FEZ1: variants seen among roughly 807,000 people sequenced by gnomAD.
FEZ1 encodes fasciculation and elongation protein zeta 1.
In FEZ1, 20 loss-of-function variants were observed where a neutral mutation model predicts 49.3. That is an observed-to-expected ratio of 0.41 (90% CI 0.29 to 0.59). The LOEUF (loss-of-function observed/expected upper bound fraction) is 0.59, where lower values mean the gene tolerates loss of function less well. Among genes scored for constraint, FEZ1 ranks in the 20% least tolerant of loss-of-function variants. The pLI is 0.36. For synonymous variants in FEZ1, 170 were observed against 180.9 expected (o/e 0.94, Z 0.48); for missense variants, 413 against 476.0 (o/e 0.87, Z 1.23).
intron 1 of FEZ1, among the ~76,000 whole-genome samples, chr11:125,492,365 T>G (rs1382980279): frequency 7.9e-5 from 12 of 152,240 alleles, no homozygotes; most frequent in Admixed American, 7.8e-4. Flanking sequence ...TTGGTTTCCT[T>G]TACAAGACTA....
chr11:125,480,987 C>A (rs937880384), intron 3 of FEZ1, among the ~76,000 whole-genome samples: 11 of 150,860 alleles, frequency 7.3e-5, no homozygotes, highest in African/African-American at 2.7e-4. Flanking sequence ...TGCAGTGAGC[C>A]GAGATCGTGC....
At position 125,463,520 on chromosome 11, in the gene FEZ1, G is replaced by T. The variant is rs142530568; in HGVS notation, c.462C>A (p.Ser154=). The part of the protein sequence containing the change: ...EEFNEKSEND[S]GINEEPLLTA... Reference sequence around the variant, plus strand: ...TGAGCAGAGGCTCCTCGTTGATACCGGAATCATTTTCACTCTTCTCATTGA... The same window carrying T: ...TGAGCAGAGGCTCCTCGTTGATACCTGAATCATTTTCACTCTTCTCATTGA... Residue 154 remains serine, a synonymous_variant, in exon 4 of 10, where the codon TCC becomes TCA. Coordinates refer to ENST00000278919, the MANE Select transcript of FEZ1 (RefSeq NM_005103.5). 6.2e-7 allele frequency: 1 copy of T among 1,610,778 alleles called. No homozygotes were observed. The highest frequency in any genetic ancestry group is 1.1e-5 in the South Asian group (1 of 91,022).
At chr11:125,461,010 C>T (rs1844548804) in intron 4 of FEZ1, among the ~76,000 whole-genome samples, 1 of 152,154 alleles carries the variant, frequency 6.6e-6, no homozygotes, top group African/African-American at 2.4e-5. Context: ...GAAAATATTT[C>T]ATTCACCCAA....
At chr11:125,477,856 CAA>C (rs11413508) in intron 3 of FEZ1, among the ~76,000 whole-genome samples, 27 of 141,382 alleles carry the variant, frequency 1.9e-4, no homozygotes, top group East Asian at 4.1e-4. Context: ...GAGCTTTATG[CAA>C]AAAAAAAAAA....
At chr11:125,494,902 C>T (rs1013174466) in intron 1 of FEZ1, among the ~76,000 whole-genome samples, 12 of 152,150 alleles carry the variant, frequency 7.9e-5, no homozygotes, top group African/African-American at 2.7e-4. Context: ...CCACACAAGC[C>T]CCATTCCATC....
Position 125,489,698 on chromosome 11 carries a change from G to T in FEZ1, c.80C>A (p.Pro27His). The change falls in exon 2 of 10, where the codon CCC becomes CAC. Residue 27 changes from proline to histidine, a missense_variant. Physicochemically the swap from Pro to His is moderately conservative, Grantham distance 77. Transcript: ENST00000278919. The surrounding 1 kb of genome is among the most constrained non-coding windows in gnomAD (Gnocchi z 4.2). ...GGGAGATGAACCATAGAAACACTGG[G>T]GCTTCTCCTCCGGGTCCTCCGAGCA... Reference protein sequence around the residue: ...PSCSEDPEEKPQCFYGSSPHH... With the variant: ...PSCSEDPEEKHQCFYGSSPHH... The T allele has an allele frequency of 6.2e-7, 1 of 1,612,952 alleles. No homozygotes were observed. The highest frequency in any genetic ancestry group is 1.1e-5 in the South Asian group (1 of 90,924).
chr11:125,457,940 C>T (rs1265602475), intron 5 of FEZ1, among the ~76,000 whole-genome samples: 1 of 152,128 alleles, frequency 6.6e-6, no homozygotes, highest in Non-Finnish European at 1.5e-5. Flanking sequence ...GAGCTGCCCT[C>T]TCCCCCTTCT....
At chr11:125,481,311 C>A (rs1482415406) in intron 3 of FEZ1, among the ~76,000 whole-genome samples, 1 of 152,004 alleles carries the variant, frequency 6.6e-6, no homozygotes, top group Non-Finnish European at 1.5e-5. Context: ...CCATGCCTGG[C>A]TAATTTTTTG....
At chr11:125,480,417 TG>T (rs1231237184) in intron 3 of FEZ1, among the ~76,000 whole-genome samples, 1 of 152,156 alleles carries the variant, frequency 6.6e-6, no homozygotes, top group African/African-American at 2.4e-5. Flanking sequence ...CCCCACTGTG[TG>T]GCTACATTGC....
At chr11:125,467,232 AG>A (rs1346309617) in intron 3 of FEZ1, among the ~76,000 whole-genome samples, 1 of 151,994 alleles carries the variant, frequency 6.6e-6, no homozygotes, top group Non-Finnish European at 1.5e-5. Flanking sequence ...TTTTAGAGAT[AG>A]GGGTCTCACT....
rs2135787491 is a variant in FEZ1, at chr11:125,489,504, G to C, written c.274C>G (p.Gln92Glu). The C allele has an allele frequency of 6.2e-7, 1 of 1,614,094 alleles. No homozygotes were observed. Among genetic ancestry groups the C allele is most frequent in the East Asian group, 2.2e-5 (1 of 44,886 alleles). ...ENLAPVKNQLQIQEEEETLQD... is the reference protein window; with the variant it reads ...ENLAPVKNQLEIQEEEETLQD... The stretch of plus-strand genomic sequence containing the variant: ...AGGGTCTCCTCCTCCTCTTGGATCT[G>C]TAACTGGTTCTTCACGGGAGCTAGG... Residue 92 changes from glutamine (Q) to glutamate (E), a missense_variant, in exon 2 of 10, where the codon CAG becomes GAG. Transcript: ENST00000278919. The surrounding 1 kb of genome is among the most constrained non-coding windows in gnomAD (Gnocchi z 4.2).
In FEZ1 at chr11:125,489,752, T is replaced by A; in HGVS notation, c.26A>T (p.Asp9Val). The A allele has an allele frequency of 6.4e-7, 1 of 1,563,026 alleles. No individual in the cohort carries two copies. Among genetic ancestry groups the A allele is most frequent in the South Asian group, 1.2e-5 (1 of 81,542 alleles). ...GGGTCGAAGGTCCTCAAACTCTTCA[T>A]CCAGACTCACCAGTGGGGCCTCCAT... MEAPLVSL[D>V]EEFEDLRPSC... is the part of the protein sequence containing the mutation. The change falls in exon 2 of 10, where the codon GAT becomes GTT. Residue 9 changes from aspartate to valine, a missense_variant. Transcript: ENST00000278919. This position sits in a 1 kb window ranked among gnomAD's most constrained non-coding sequence, Gnocchi z 4.2.
intron 1 of FEZ1, among the ~76,000 whole-genome samples, chr11:125,494,836 A>C (rs1199020292): frequency 1.3e-5 from 2 of 152,084 alleles, no homozygotes; most frequent in South Asian, 4.1e-4. Context: ...AGCTGACCCG[A>C]GTGGAGCGGA....
chr11:125,454,364 G>C (rs1029575562), intron 6 of FEZ1, 154 bp from the exon 7 acceptor site: 1 of 505,034 alleles, frequency 2.0e-6, no homozygotes, highest in African/African-American at 2.0e-5. Context: ...AGACAGGCCA[G>C]AATTGAAGCC....
Position 125,471,505 on chromosome 11 carries a change from C to T in FEZ1, c.412-7935G>A, listed in dbSNP as rs191056611. 5.0e-3 allele frequency among the ~76,000 whole-genome samples: 757 copies of T among 151,720 alleles called. 13 individuals carry two copies. Among genetic ancestry groups the T allele is most frequent in the Non-Finnish European group, 3.6e-3 (241 of 67,822 alleles). ...ATAAGAAAGCTTAAGTGGCTACATT[C>T]ATATCAAACAAAGTAGATTTTAAGA... On this transcript the variant is annotated intron_variant, in intron 3 of 9. Coordinates refer to ENST00000278919, the MANE Select transcript of FEZ1 (RefSeq NM_005103.5).
At chr11:125,466,494 A>G (rs932660552) in intron 3 of FEZ1, among the ~76,000 whole-genome samples, 1 of 152,162 alleles carries the variant, frequency 6.6e-6, no homozygotes, top group Non-Finnish European at 1.5e-5. Context: ...GTCTAAAAAA[A>G]AAAACACCTT....
chr11:125,474,191 AT>A (rs34135138), intron 3 of FEZ1, among the ~76,000 whole-genome samples: 20,685 of 128,400 alleles, frequency 0.16, 1,251 homozygotes, highest in East Asian at 0.33. Flanking sequence ...TGCCAGGCTA[AT>A]TTTTTTTTTT....
At chr11:125,460,001 C>T (rs536035956) in intron 5 of FEZ1, among the ~76,000 whole-genome samples, 2 of 152,222 alleles carry the variant, frequency 1.3e-5, no homozygotes, top group East Asian at 1.9e-4. Context: ...GAGGCTGAGG[C>T]TTGAGAATCA....
At chr11:125,456,147 C>T in intron 5 of FEZ1, 41 bp from the exon 6 acceptor site, 1 of 1,527,652 alleles carries the variant, frequency 6.5e-7, no homozygotes, top group African/African-American at 1.4e-5. Flanking sequence ...CCTGCATCCA[C>T]ACCAGAGCCC....
Sources: gnomAD v4.1 joint callset for allele counts (sites outside exome capture counted in the v4.1 genomes callset) on GRCh38, gnomAD v4.1.1 for gene constraint, Gnocchi (gnomAD v3.1) non-coding constraint, MANE v1.5 for transcripts, NCBI Gene and HGNC (gene_info 2026-07-23, HGNC 2026-07-21) for gene names.